MYT1L: variants seen among roughly 807,000 people sequenced by gnomAD.
MYT1L encodes myelin transcription factor 1 like, also known as myelin transcription factor 1-like protein.
A neutral mutation model predicts 126.7 loss-of-function variants in MYT1L; 12 were observed. The ratio of observed to expected loss-of-function variants is 0.09; its 90% CI spans 0.06 to 0.15. The LOEUF is 0.15. Ranked by LOEUF, MYT1L falls within the 10% of genes least tolerant of loss-of-function variation. MYT1L has a pLI of 1.00. For synonymous variants in MYT1L, 541 were observed against 604.2 expected, an observed-to-expected ratio of 0.90 and a Z score of 1.53; for missense variants, 979 against 1,585.2, an observed-to-expected ratio of 0.62 and a Z score of 6.49.
intron 10 of MYT1L, among the ~76,000 whole-genome samples, chr2:1,918,379 A>T (rs753634640): frequency 6.6e-5 from 10 of 152,208 alleles, no homozygotes; most frequent in Admixed American, 1.3e-4. Flanking sequence ...TCACCAACAG[A>T]TAGCGATTAT....
At chr2:2,147,180 C>T (rs2085015473) in intron 3 of MYT1L, among the ~76,000 whole-genome samples, 2 of 152,216 alleles carry the variant, frequency 1.3e-5, no homozygotes, top group Admixed American at 6.5e-5. Flanking sequence ...ACCAAATCAT[C>T]CTCCCCATGT....
chr2:2,048,323 T>C (rs896110189), intron 4 of MYT1L, among the ~76,000 whole-genome samples: 2 of 152,228 alleles, frequency 1.3e-5, no homozygotes, highest in African/African-American at 4.8e-5. Context: ...TGAATTTGTG[T>C]AGCTCCAGCA....
rs1353717034 is a variant in MYT1L, at chr2:1,997,209, T to C, written c.-19A>G. ...CCTTTACCTTACAGGAAGTCTTCTC[T>C]CCTAGGAACGGAGGCAGCGTGACTC... On this transcript the variant is annotated 5_prime_UTR_variant, in exon 5 of 25. Transcript: ENST00000647738. 1 of 152,968 alleles carries C rather than the reference T, an allele frequency of 6.5e-6. No homozygotes were observed. Among genetic ancestry groups the C allele is most frequent in the East Asian group, 1.9e-4 (1 of 5,182 alleles). 9.5% of individuals were successfully genotyped at this position (152,968 alleles called of 1,614,324 possible).
intron 18 of MYT1L, chr2:1,885,505 T>G (rs999904927): frequency 1.3e-5 from 2 of 152,644 alleles, no homozygotes; most frequent in African/African-American, 4.8e-5. Flanking sequence ...CTGTAAAAGA[T>G]GACATGGGTG....
At chr2:1,948,187 C>G (rs570922828) in intron 8 of MYT1L, among the ~76,000 whole-genome samples, 6 of 152,356 alleles carry the variant, frequency 3.9e-5, no homozygotes, top group Non-Finnish European at 8.8e-5. Context: ...CCTATCCCTA[C>G]ATTTTGCAAG....
chr2:1,999,637 A>ATC (rs2149634254), intron 4 of MYT1L, among the ~76,000 whole-genome samples: 1 of 152,344 alleles, frequency 6.6e-6, no homozygotes, highest in Non-Finnish European at 1.5e-5. Flanking sequence ...ACTCAACATA[A>ATC]TCTATTAAAA....
intron 3 of MYT1L, among the ~76,000 whole-genome samples, chr2:2,114,254 T>G (rs1454873338): frequency 6.6e-6 from 1 of 152,222 alleles, no homozygotes; most frequent in African/African-American, 2.4e-5. Context: ...AGCATTTTGA[T>G]TTTCAGTGCA....
chr2:1,846,294 C>T (rs545888812), intron 19 of MYT1L, among the ~76,000 whole-genome samples: 6 of 152,324 alleles, frequency 3.9e-5, no homozygotes, highest in East Asian at 3.9e-4. Context: ...GGACAGACTA[C>T]GTACTCAAAT....
intron 3 of MYT1L, among the ~76,000 whole-genome samples, chr2:2,101,711 T>C (rs2078112051): frequency 6.6e-6 from 1 of 152,040 alleles, no homozygotes; most frequent in African/African-American, 2.4e-5. Flanking sequence ...CATTAATCCA[T>C]CCAGCCATCC....
intron 3 of MYT1L, among the ~76,000 whole-genome samples, chr2:2,057,181 T>A (rs2069692629): frequency 6.6e-6 from 1 of 152,156 alleles, no homozygotes; most frequent in Non-Finnish European, 1.5e-5. Context: ...ACAGTCAACA[T>A]GCAGATAACT....
chr2:2,000,720 C>A (rs551053108), intron 4 of MYT1L, among the ~76,000 whole-genome samples: 1 of 152,296 alleles, frequency 6.6e-6, no homozygotes, highest in East Asian at 1.9e-4. Context: ...TTTGTGGACA[C>A]AGAGCCCCAG....
At chr2:2,312,446 A>AT in intron 1 of MYT1L, among the ~76,000 whole-genome samples, 1 of 151,974 alleles carries the variant, frequency 6.6e-6, no homozygotes, top group South Asian at 2.1e-4. Context: ...CCCCATCTCT[A>AT]TAAAAAAAAT....
chr2:1,927,619 A>G (rs117592431), intron 9 of MYT1L, among the ~76,000 whole-genome samples: 2 of 152,246 alleles, frequency 1.3e-5, no homozygotes, highest in East Asian at 3.9e-4. Flanking sequence ...CTGACACAGG[A>G]CCCAGGCAAG....
At chr2:1,871,886 C>A (rs1184139902) in intron 18 of MYT1L, among the ~76,000 whole-genome samples, 2 of 152,084 alleles carry the variant, frequency 1.3e-5, no homozygotes, top group Non-Finnish European at 2.9e-5. Context: ...AAGAGGTGAC[C>A]ATCCAAGCTG....
intron 2 of MYT1L, among the ~76,000 whole-genome samples, chr2:2,219,815 G>A (rs998742048): frequency 3.3e-5 from 5 of 151,904 alleles, no homozygotes; most frequent in East Asian, 1.9e-4. Context: ...TCCTTTTTTC[G>A]GTGTACTCTT....
chr2:2,201,697 C>CAAA (rs34259469), intron 2 of MYT1L, among the ~76,000 whole-genome samples: 7 of 130,702 alleles, frequency 5.4e-5, no homozygotes, highest in Admixed American at 1.6e-4. Flanking sequence ...GACTCTGCCT[C>CAAA]AAAAAAAAAA....
intron 1 of MYT1L, among the ~76,000 whole-genome samples, chr2:2,293,889 C>T (rs1251861326): frequency 3.3e-5 from 5 of 152,206 alleles, no homozygotes; most frequent in South Asian, 2.1e-4. Context: ...AGAACGCCAG[C>T]CTGCTCCGTG....
intron 14 of MYT1L, among the ~76,000 whole-genome samples, chr2:1,900,672 G>T (rs980743395): frequency 2.0e-5 from 3 of 152,182 alleles, no homozygotes; most frequent in African/African-American, 7.2e-5. Flanking sequence ...CAGACTTCAC[G>T]CCCACACAAT....
At chr2:1,902,523 C>T (rs954814157) in intron 14 of MYT1L, among the ~76,000 whole-genome samples, 7 of 152,126 alleles carry the variant, frequency 4.6e-5, no homozygotes, top group African/African-American at 7.2e-5. Context: ...TCAAGGGTGC[C>T]GTAGTGTCGT....
Sources: gnomAD v4.1 joint callset for allele counts (sites outside exome capture counted in the v4.1 genomes callset) on GRCh38, gnomAD v4.1.1 for gene constraint, MANE v1.5 for transcripts, NCBI Gene and HGNC (gene_info 2026-07-23, HGNC 2026-07-21) for gene names.